COL25A1: variants seen among roughly 807,000 people sequenced by gnomAD.
COL25A1 encodes collagen alpha-1(XXV) chain.
Under a neutral mutation model 128.4 loss-of-function variants are expected in COL25A1, and 103 were observed. That is an observed-to-expected ratio of 0.80 (90% CI 0.68 to 0.94). The LOEUF is 0.94. COL25A1 is among the 40% of genes least tolerant of loss of function. The probability of loss-of-function intolerance (pLI) is 0.00; values close to 1 mark genes in which losing one functional copy is unlikely to be tolerated. For missense variants in COL25A1, 745 were observed against 840.0 expected (o/e 0.89, Z 1.40); for synonymous variants, 279 against 277.2 (o/e 1.01, Z -0.06).
At chr4:109,147,833 AAG>A (rs1192205705) in intron 3 of COL25A1, among the ~76,000 whole-genome samples, 3 of 151,926 alleles carry the variant, frequency 2.0e-5, no homozygotes, top group Non-Finnish European at 4.4e-5. Context: ...AAAAAAAAAA[AAG>A]TACTGGAGTA....
chr4:109,102,589 G>C (rs551662948), intron 3 of COL25A1, among the ~76,000 whole-genome samples: 1 of 152,054 alleles, frequency 6.6e-6, no homozygotes, highest in African/African-American at 2.4e-5. Flanking sequence ...TCTGAAAAAA[G>C]GATGTTGAGA....
intron 13 of COL25A1, among the ~76,000 whole-genome samples, chr4:108,905,282 A>G (rs1446998775): frequency 2.6e-5 from 4 of 152,152 alleles, no homozygotes; most frequent in Admixed American, 6.5e-5. Flanking sequence ...TAAGTGCAAA[A>G]TACAATTTTA....
At chr4:109,132,244 CAT>C (rs1339739619) in intron 3 of COL25A1, among the ~76,000 whole-genome samples, 1 of 152,100 alleles carries the variant, frequency 6.6e-6, no homozygotes. Flanking sequence ...TACACACACA[CAT>C]GCATACACAC....
chr4:109,110,129 G>A (rs1333337440), intron 3 of COL25A1, among the ~76,000 whole-genome samples: 1 of 151,996 alleles, frequency 6.6e-6, no homozygotes, highest in African/African-American at 2.4e-5. Flanking sequence ...AGTACAGGAG[G>A]GATGTTCAAA....
chr4:108,884,559 A>G (rs1740552792), intron 18 of COL25A1, among the ~76,000 whole-genome samples: 2 of 152,262 alleles, frequency 1.3e-5, no homozygotes, highest in African/African-American at 4.8e-5. Flanking sequence ...GGCTGAATCT[A>G]TTTGCCCAAA....
chr4:108,996,692 C>T (rs902822182), intron 6 of COL25A1, among the ~76,000 whole-genome samples: 2 of 152,140 alleles, frequency 1.3e-5, no homozygotes, highest in African/African-American at 2.4e-5. Flanking sequence ...AGCACCACAT[C>T]GTACTTATTC....
intron 6 of COL25A1, among the ~76,000 whole-genome samples, chr4:108,999,927 G>T (rs947929833): frequency 1.3e-5 from 2 of 152,082 alleles, no homozygotes; most frequent in East Asian, 3.9e-4. Context: ...AAGAACACAT[G>T]GACACAGGGC....
chr4:108,843,849 T>C (rs1452688), intron 30 of COL25A1, among the ~76,000 whole-genome samples: 92,815 of 151,680 alleles, frequency 0.61, 28,725 homozygotes, highest in South Asian at 0.77. Context: ...AGTTCAAACC[T>C]CAAACTTTGT....
At chr4:109,248,818 T>C (rs576752834) in intron 3 of COL25A1, among the ~76,000 whole-genome samples, 3 of 152,220 alleles carry the variant, frequency 2.0e-5, no homozygotes, top group South Asian at 2.1e-4. Context: ...GATGGAAAGA[T>C]GAATGTAAGG....
chr4:109,032,506 G>C (rs752994593), intron 5 of COL25A1, among the ~76,000 whole-genome samples: 1 of 152,168 alleles, frequency 6.6e-6, no homozygotes, highest in Non-Finnish European at 1.5e-5. Context: ...AAAATCTTTT[G>C]ACAGAGGCTC....
intron 5 of COL25A1, among the ~76,000 whole-genome samples, chr4:109,043,201 C>T (rs373614527): frequency 2.7e-4 from 41 of 152,098 alleles, no homozygotes; most frequent in African/African-American, 8.9e-4. Context: ...TGGTAGGTAG[C>T]TGCTATAAAT....
chr4:109,059,169 C>T (rs1761716630), intron 3 of COL25A1, among the ~76,000 whole-genome samples: 1 of 152,180 alleles, frequency 6.6e-6, no homozygotes, highest in Admixed American at 6.5e-5. Flanking sequence ...TGCCATCACG[C>T]ACCTTGCACT....
chr4:108,954,812 G>GA (rs1296866490), intron 8 of COL25A1, among the ~76,000 whole-genome samples: 1 of 151,512 alleles, frequency 6.6e-6, no homozygotes, highest in East Asian at 1.9e-4. Flanking sequence ...AAATAAAAGA[G>GA]AAAAAAAGGG....
intron 3 of COL25A1, among the ~76,000 whole-genome samples, chr4:109,197,725 T>G (rs1018751513): frequency 6.6e-6 from 1 of 151,378 alleles, no homozygotes; most frequent in Non-Finnish European, 1.5e-5. Flanking sequence ...CCAGAGTCTT[T>G]GAAATCAACT....
intron 5 of COL25A1, among the ~76,000 whole-genome samples, chr4:109,019,375 C>CATATATAT (rs57842656): frequency 4.9e-4 from 24 of 48,874 alleles, no homozygotes; most frequent in South Asian, 2.7e-3. Flanking sequence ...CACACACACA[C>CATATATAT]ATATATATAT....
chr4:108,871,051 T>C (rs753672310), intron 19 of COL25A1, among the ~76,000 whole-genome samples: 1 of 152,246 alleles, frequency 6.6e-6, no homozygotes, highest in African/African-American at 2.4e-5. Flanking sequence ...AGATGAACCA[T>C]GCAGGTGCAT....
At chr4:109,147,307 C>T (rs1212144046) in intron 3 of COL25A1, among the ~76,000 whole-genome samples, 1 of 152,154 alleles carries the variant, frequency 6.6e-6, no homozygotes, top group Non-Finnish European at 1.5e-5. Context: ...CTCTGGGCTT[C>T]CCCATCAACC....
chr4:108,981,906 A>G (rs924039343), intron 6 of COL25A1, among the ~76,000 whole-genome samples: 5 of 152,228 alleles, frequency 3.3e-5, no homozygotes, highest in African/African-American at 1.2e-4. Context: ...GAGGATAAAG[A>G]AATACAATCA....
intron 3 of COL25A1, among the ~76,000 whole-genome samples, chr4:109,269,959 A>T (rs1284848764): frequency 6.6e-6 from 1 of 152,164 alleles, no homozygotes; most frequent in Non-Finnish European, 1.5e-5. Context: ...ACAGAGCCAA[A>T]GACAAAAACC....
Sources: allele counts gnomAD v4.1 joint callset (sites outside exome capture counted in the v4.1 genomes callset), GRCh38; gene constraint gnomAD v4.1.1; transcripts MANE v1.5; gene names NCBI Gene and HGNC (gene_info 2026-07-23, HGNC 2026-07-21).